Variants in ZMYM1 observed in about 807,000 individuals in gnomAD.
The protein encoded by ZMYM1 is zinc finger MYM-type protein 1.
In ZMYM1, 39 loss-of-function variants were observed where a neutral mutation model predicts 60.0. That is an observed-to-expected ratio of 0.65 (90% CI 0.50 to 0.85). The LOEUF is 0.85. ZMYM1 is among the 40% of genes least tolerant of loss of function. ZMYM1 has a pLI of 0.00. For synonymous variants in ZMYM1, 413 were observed against 454.0 expected, an observed-to-expected ratio of 0.91 and a Z score of 1.15; for missense variants, 1,171 against 1,309.5, an observed-to-expected ratio of 0.89 and a Z score of 1.63.
intron 6 of ZMYM1, among the ~76,000 whole-genome samples, chr1:35,106,700 T>C (rs1203656776): frequency 6.6e-6 from 1 of 151,964 alleles, no homozygotes; most frequent in Non-Finnish European, 1.5e-5. Context: ...ATCTTTTCTA[T>C]GGCCCCCATC....
At chr1:35,107,065 A>C (rs1643914398) in intron 6 of ZMYM1, among the ~76,000 whole-genome samples, 1 of 150,030 alleles carries the variant, frequency 6.7e-6, no homozygotes, top group Admixed American at 6.6e-5. Context: ...GTTAGCCAGG[A>C]TGGTCTCAAT....
At chr1:35,100,121 C>T (rs1643564154) in intron 4 of ZMYM1, among the ~76,000 whole-genome samples, 1 of 151,920 alleles carries the variant, frequency 6.6e-6, no homozygotes, top group Non-Finnish European at 1.5e-5. Flanking sequence ...GAACTCCGGA[C>T]CTCAGGTGAT....
At chr1:35,064,292 C>CAAAAAAAAAAAAAAAA (rs371084383) in intron 1 of ZMYM1, among the ~76,000 whole-genome samples, 1 of 54,512 alleles carries the variant, frequency 1.8e-5, no homozygotes, top group East Asian at 6.2e-4. Flanking sequence ...GATCCTGTCT[C>CAAAAAAAAAAAAAAAA]AAAAAAAAAA....
At chr1:35,116,791 C>T (rs1570058912), downstream of ZMYM1, among the ~76,000 whole-genome samples, 1 of 138,368 alleles carries the variant, frequency 7.2e-6, no homozygotes, top group African/African-American at 2.6e-5. Flanking sequence ...ATGTGATATT[C>T]AAAGATTTGA....
intron 1 of ZMYM1, among the ~76,000 whole-genome samples, chr1:35,072,511 A>G (rs982115256): frequency 2.5e-4 from 12 of 47,818 alleles, no homozygotes; most frequent in African/African-American, 1.1e-3. Context: ...TCTTCATTTT[A>G]TTGATCTTTT....
chr1:35,082,254 C>CGG (rs1007453027), intron 1 of ZMYM1, among the ~76,000 whole-genome samples: 1 of 139,378 alleles, frequency 7.2e-6, no homozygotes. Context: ...GTTTCTTTTG[C>CGG]GGGGGGTGAG....
chr1:35,094,841 C>T (rs1463316659), intron 2 of ZMYM1, among the ~76,000 whole-genome samples: 1 of 151,686 alleles, frequency 6.6e-6, no homozygotes, highest in Non-Finnish European at 1.5e-5. Context: ...GAAGCGAGAC[C>T]CTGTCTCTTA....
chr1:35,090,807 G>A (rs927263608), intron 1 of ZMYM1, among the ~76,000 whole-genome samples: 1 of 152,076 alleles, frequency 6.6e-6, no homozygotes, highest in African/African-American at 2.4e-5. Context: ...TTAGCCAGGC[G>A]TGATGGCACA....
intron 1 of ZMYM1, among the ~76,000 whole-genome samples, chr1:35,070,215 G>A (rs1642042765): frequency 6.6e-6 from 1 of 152,046 alleles, no homozygotes; most frequent in African/African-American, 2.4e-5. Flanking sequence ...CTTCCAATTT[G>A]TGAATATGGG....
chr1:35,088,446 ATATATATATG>A (rs1259394359), intron 1 of ZMYM1, among the ~76,000 whole-genome samples: 2,175 of 116,156 alleles, frequency 0.019, 60 homozygotes, highest in African/African-American at 0.071. Flanking sequence ...ATATATATAT[ATATATATATG>A]TGTGTGTGTG....
upstream of ZMYM1, among the ~76,000 whole-genome samples, chr1:35,074,697 G>A (rs762666110): frequency 2.0e-5 from 3 of 152,032 alleles, no homozygotes; most frequent in Admixed American, 6.6e-5. Context: ...ATGAGCCACC[G>A]CACCCAGCCC....
downstream of ZMYM1, among the ~76,000 whole-genome samples, chr1:35,118,706 C>CA (rs918878147): frequency 1.7e-3 from 247 of 148,648 alleles, 1 homozygote; most frequent in African/African-American, 5.0e-3. Flanking sequence ...GACTCCATCT[C>CA]AAAAAAAAAA....
At position 35,111,832 on chromosome 1, in the gene ZMYM1, C is replaced by G; in HGVS notation, c.1022C>G (p.Thr341Arg). Residue 341 changes from threonine (T) to arginine (R), a missense_variant, in exon 8 of 10, where the codon ACG becomes AGG. By Grantham distance (71) the Thr-to-Arg change is moderately conservative (BLOSUM62 -1). Coordinates refer to ENST00000359858, the MANE Select transcript of ZMYM1 (RefSeq NM_024772.5). The stretch of plus-strand genomic sequence containing the variant: ...GAGCTTCTTTCTCCAAAGAAAGATA[C>G]GACTCCAGTTATAAGCAATATAGTG... ...STELLSPKKDTTPVISNIVSL... is the reference protein window; with the variant it reads ...STELLSPKKDRTPVISNIVSL... 1 of 1,608,266 alleles carries G rather than the reference C, an allele frequency of 6.2e-7. No individual in the cohort carries two copies. The highest frequency in any genetic ancestry group is 8.5e-7 in the Non-Finnish European group (1 of 1,176,116).
At chr1:35,090,712 C>T (rs530683030) in intron 1 of ZMYM1, among the ~76,000 whole-genome samples, 3 of 152,054 alleles carry the variant, frequency 2.0e-5, no homozygotes, top group East Asian at 1.9e-4. Flanking sequence ...TTTGGGAGGC[C>T]GAGGTGGGCG....
intron 1 of ZMYM1, among the ~76,000 whole-genome samples, chr1:35,066,062 T>G (rs1641966759): frequency 6.6e-6 from 1 of 152,130 alleles, no homozygotes; most frequent in Admixed American, 6.6e-5. Context: ...AAATAGAAAT[T>G]TCCAGGCCCA....
Position 35,115,654 on chromosome 1 carries a change from T to C in ZMYM1, c.*395T>C, listed in dbSNP as rs1261082242. The C allele has an allele frequency of 6.6e-6, 1 of 152,204 alleles. No individual in the cohort carries two copies. The highest frequency in any genetic ancestry group is 1.4e-5 in the Non-Finnish European group (1 of 69,044). The allele number at this position is 152,204 out of a possible 1,614,324, so 9.4% of individuals were successfully genotyped here. ...TTTTGCTATTATAAATAATGATTCA[T>C]TTTATAACCTTTTATATAGGTCACA... On this transcript the variant is annotated 3_prime_UTR_variant, in exon 10 of 10. Coordinates refer to ENST00000359858, the MANE Select transcript of ZMYM1 (RefSeq NM_024772.5).
chr1:35,112,966 T>G lies in ZMYM1; in HGVS notation c.1147-11T>G. 1.3e-6 allele frequency: 2 copies of G among 1,512,004 alleles called. No homozygotes were observed. The highest frequency in any genetic ancestry group is 1.4e-5 in the South Asian group (1 of 73,686). 93.7% of individuals were successfully genotyped at this position (1,512,004 alleles called of 1,614,324 possible). A position where few individuals can be genotyped will look rare whatever the true frequency, so the allele number is the denominator to read the frequency against. On this transcript the variant is annotated splice_polypyrimidine_tract_variant and intron_variant, in intron 9 of 9. Coordinates refer to ENST00000359858, the MANE Select transcript of ZMYM1 (RefSeq NM_024772.5). The stretch of plus-strand genomic sequence containing the variant: ...AACTGTTAAATGTTCTTTTCTCATT[T>G]TCTCCCAAAGCTTTCTAAGAGTTCA...
In ZMYM1 at chr1:35,093,954, G is replaced by A. The variant is rs1390050895; in HGVS notation, c.-34G>A. The A allele has an allele frequency of 1.3e-5, 20 of 1,483,402 alleles. No homozygotes were observed. Among genetic ancestry groups the A allele is most frequent in the Non-Finnish European group, 1.7e-5 (19 of 1,087,188 alleles). 91.9% of individuals were successfully genotyped at this position (1,483,402 alleles called of 1,614,324 possible). On this transcript the variant is annotated 5_prime_UTR_variant, in exon 2 of 10. Transcript: ENST00000359858. Reference sequence around the variant, plus strand: ...TCTTCAGGAAGAAACCCATTAGTTTGGAACTGGAGAATTCCTTTGCATCAG... The same window carrying A: ...TCTTCAGGAAGAAACCCATTAGTTTAGAACTGGAGAATTCCTTTGCATCAG...
chr1:35,074,208 T>C (rs1253180007), intron 1 of ZMYM1, among the ~76,000 whole-genome samples: 1 of 152,220 alleles, frequency 6.6e-6, no homozygotes, highest in Non-Finnish European at 1.5e-5. Context: ...GTTGATTTTA[T>C]ACCATGTGGT....
Sources: allele counts gnomAD v4.1 joint callset (sites outside exome capture counted in the v4.1 genomes callset), GRCh38; gene constraint gnomAD v4.1.1; transcripts MANE v1.5; gene names NCBI Gene and HGNC (gene_info 2026-07-23, HGNC 2026-07-21).